SLC9A4: variants seen among roughly 807,000 people sequenced by gnomAD.
SLC9A4 encodes the protein sodium/hydrogen exchanger 4.
Under a neutral mutation model 67.4 loss-of-function variants are expected in SLC9A4, and 63 were observed. That is an observed-to-expected ratio of 0.93 (90% CI 0.76 to 1.15). SLC9A4 has a LOEUF of 1.15. SLC9A4 is among the 50% of genes most tolerant of loss of function. The pLI is 0.00. For synonymous variants in SLC9A4, 393 were observed against 367.2 expected (o/e 1.07, Z -0.80); for missense variants, 1,089 against 987.7 (o/e 1.10, Z -1.38).
chr2:102,483,000 G>A (rs557555720), intron 2 of SLC9A4, among the ~76,000 whole-genome samples: 18 of 152,304 alleles, frequency 1.2e-4, no homozygotes, highest in Admixed American at 1.1e-3. Context: ...CTCTGGCTTG[G>A]TTTCTGGTTG....
Position 102,526,261 on chromosome 2 carries a change from T to C in SLC9A4, c.1953T>C (p.Ala651=), listed in dbSNP as rs1218818143. The C allele has an allele frequency of 6.2e-7, 1 of 1,613,448 alleles. No individual in the cohort carries two copies. The change falls in exon 11 of 12, where the codon GCT becomes GCC. Residue 651 remains alanine, a splice_region_variant and synonymous_variant. Coordinates refer to ENST00000295269, the MANE Select transcript of SLC9A4 (RefSeq NM_001011552.4). The part of the protein sequence containing the change: ...KGHSLPWGKP[A]GTKNIRYLSY... The stretch of plus-strand genomic sequence containing the variant: ...TTCTTTCTACTTGCTACCCACAGGC[T>C]GGCACCAAGAATATCCGCTACCTCT...
intron 8 of SLC9A4, among the ~76,000 whole-genome samples, chr2:102,517,807 TTTGA>T (rs1476947979): frequency 2.0e-5 from 3 of 152,148 alleles, no homozygotes; most frequent in African/African-American, 4.8e-5. Context: ...ATTTTTCCAG[TTTGA>T]TTGAAATTAT....
At chr2:102,475,929 A>T (rs1684321150) in intron 1 of SLC9A4, among the ~76,000 whole-genome samples, 1 of 152,250 alleles carries the variant, frequency 6.6e-6, no homozygotes, top group Non-Finnish European at 1.5e-5. Flanking sequence ...ATGAATCAGA[A>T]TAAAATTAAT....
Position 102,525,072 on chromosome 2 carries a change from C to G in SLC9A4, c.1867C>G (p.Gln623Glu), listed in dbSNP as rs765398257. 2 of 1,614,046 alleles carry G rather than the reference C, an allele frequency of 1.2e-6. No individual in the cohort carries two copies. The highest frequency in any genetic ancestry group is 1.1e-5 in the South Asian group (1 of 91,080). ...CCTCAAACCCCAAACAAGTGAGAAGCAGGCTAAAGAGATTCTGATCCGCCG... is the reference window on the plus strand; with the variant it reads ...CCTCAAACCCCAAACAAGTGAGAAGGAGGCTAAAGAGATTCTGATCCGCCG... ...YNLKPQTSEK[Q>E]AKEILIRRQN... Residue 623 changes from glutamine (Q) to glutamate (E), a missense_variant, in exon 10 of 12, where the codon CAG becomes GAG. Physicochemically the swap from Gln to Glu is conservative, Grantham distance 29. Coordinates refer to ENST00000295269, the MANE Select transcript of SLC9A4 (RefSeq NM_001011552.4).
chr2:102,505,222 G>T (rs766913323), intron 3 of SLC9A4, 32 bp from the exon 4 acceptor site: 1 of 1,599,842 alleles, frequency 6.3e-7, no homozygotes, highest in South Asian at 1.1e-5. Flanking sequence ...AAAACCTCAT[G>T]GATTTTCTCT....
At chr2:102,483,827 T>C (rs1558660145) in intron 2 of SLC9A4, among the ~76,000 whole-genome samples, 4 of 110,140 alleles carry the variant, frequency 3.6e-5, no homozygotes, top group South Asian at 5.1e-4. Flanking sequence ...TATATATATA[T>C]ATATATATAT....
At chr2:102,532,047 C>T (rs1172224416) in intron 11 of SLC9A4, among the ~76,000 whole-genome samples, 3 of 152,192 alleles carry the variant, frequency 2.0e-5, no homozygotes, top group Non-Finnish European at 4.4e-5. Context: ...TGATCTGATT[C>T]TGTAAAAAGA....
chr2:102,475,876 C>A (rs541503516), intron 1 of SLC9A4, among the ~76,000 whole-genome samples: 1 of 152,188 alleles, frequency 6.6e-6, no homozygotes, highest in East Asian at 1.9e-4. Flanking sequence ...AATTTCAGCA[C>A]TTAAGAAATG....
intron 4 of SLC9A4, chr2:102,505,715 A>G: frequency 2.4e-6 from 1 of 421,896 alleles, no homozygotes; most frequent in Non-Finnish European, 4.2e-6. Flanking sequence ...CTTTTTTTTA[A>G]TTGAAGAAAG....
intron 10 of SLC9A4, 35 bp from the exon 11 acceptor site, chr2:102,526,224 T>G (rs181718538): frequency 9.4e-6 from 15 of 1,601,964 alleles, no homozygotes; most frequent in Middle Eastern, 1.7e-4. Flanking sequence ...TTGAGACAGC[T>G]TATTCTGCTT....
At chr2:102,482,676 C>G (rs556011400) in intron 2 of SLC9A4, among the ~76,000 whole-genome samples, 1 of 152,128 alleles carries the variant, frequency 6.6e-6, no homozygotes, top group African/African-American at 2.4e-5. Flanking sequence ...TACTCTCACC[C>G]GCACTACTGA....
rs1464954990 is a variant in SLC9A4, at chr2:102,503,386, C to T, written c.721-62C>T. On this transcript the variant is annotated intron_variant, in intron 2 of 11. Coordinates refer to ENST00000295269, the MANE Select transcript of SLC9A4 (RefSeq NM_001011552.4). ...AACTAGACACAAAGCTGAGAATGTG[C>T]ATGCAAAGTGTTCCTAGTTTCTATT... The T allele has an allele frequency of 1.0e-5, 14 of 1,401,642 alleles. No individual in the cohort carries two copies. The South Asian group carries it at 2.1e-4, about 21-fold the overall frequency. 86.8% of individuals were successfully genotyped at this position (1,401,642 alleles called of 1,614,324 possible).
chr2:102,510,278 T>TACAGATAC (rs60613081), intron 6 of SLC9A4, among the ~76,000 whole-genome samples: 2,924 of 54,664 alleles, frequency 0.053, 94 homozygotes, highest in African/African-American at 0.12. Context: ...GATACAGATA[T>TACAGATAC]AGATATAGAT....
intron 6 of SLC9A4, 73 bp downstream of exon 6, chr2:102,509,006 G>A (rs993213655): frequency 1.9e-5 from 24 of 1,273,384 alleles, no homozygotes; most frequent in African/African-American, 6.0e-5. Flanking sequence ...ACATGTGCAC[G>A]TGTCACTAGA....
At position 102,508,136 on chromosome 2, in the gene SLC9A4, A is replaced by G. The variant is rs751569194; in HGVS notation, c.1256A>G (p.Lys419Arg). 48 of 1,614,050 alleles carry G rather than the reference A, an allele frequency of 3.0e-5. No homozygotes were observed. Among genetic ancestry groups the G allele is most frequent in the Non-Finnish European group, 1.8e-5 (21 of 1,180,034 alleles). ...NQFRTFPFSIKDQCIIFYSGV... is the reference protein window; with the variant it reads ...NQFRTFPFSIRDQCIIFYSGV... The stretch of plus-strand genomic sequence containing the variant: ...TTTCGGACTTTCCCCTTCTCCATCA[A>G]GGACCAGTGCATCATTTTCTACAGT... Residue 419 changes from lysine (K) to arginine (R), a missense_variant, in exon 5 of 12, where the codon AAG (lysine) becomes AGG (arginine). Lys to Arg is a conservative substitution (Grantham distance 26). Transcript: ENST00000295269.
intron 2 of SLC9A4, among the ~76,000 whole-genome samples, chr2:102,479,625 T>A (rs564039196): frequency 5.8e-4 from 88 of 152,280 alleles, no homozygotes; most frequent in Middle Eastern, 3.4e-3. Context: ...CCTTCTGGGG[T>A]TTCACGACAG....
Position 102,508,228 on chromosome 2 carries a change from A to C in SLC9A4, c.1348A>C (p.Lys450Gln), listed in dbSNP as rs1685089093. The change falls in exon 5 of 12, where the codon AAA becomes CAA. Residue 450 changes from lysine (K) to glutamine (Q), a missense_variant. Transcript: ENST00000295269. ...LLPLSLFPRK[K>Q]MFVTATLVVI... ...TCCTCTGTCTCTTTTTCCTAGGAAG[A>C]AAATGTTTGTCACTGCTACTCTAGT... The C allele has an allele frequency of 6.2e-7, 1 of 1,614,100 alleles. No homozygotes were observed. The highest frequency in any genetic ancestry group is 1.7e-5 in the Admixed American group (1 of 60,004).
chr2:102,522,924 T>A (rs1674554962), intron 9 of SLC9A4, among the ~76,000 whole-genome samples: 1 of 152,156 alleles, frequency 6.6e-6, no homozygotes, highest in African/African-American at 2.4e-5. Context: ...AAGTTGGATT[T>A]ACCCCTCCCT....
rs1044947924 is a variant in SLC9A4, at chr2:102,496,005, A to T, written c.721-7443A>T. Among the ~76,000 whole-genome samples, 3 of 152,296 alleles carry T rather than the reference A, an allele frequency of 2.0e-5. No homozygotes were observed. In the East Asian group the frequency reaches 5.8e-4, roughly 29 times the overall value. On this transcript the variant is annotated intron_variant, in intron 2 of 11. Transcript: ENST00000295269. ...AGACAGGAAAAGCACAAATCAAAAC[A>T]CACACAAAAAAGAAAAAGCAATGAA...
Sources: gnomAD v4.1 joint callset for allele counts (sites outside exome capture counted in the v4.1 genomes callset) on GRCh38, gnomAD v4.1.1 for gene constraint, MANE v1.5 for transcripts, NCBI Gene and HGNC (gene_info 2026-07-23, HGNC 2026-07-21) for gene names.